Variants in GRIA1 observed in about 807,000 individuals in gnomAD.
GRIA1 encodes the protein glutamate receptor 1.
In GRIA1, 31 loss-of-function variants were observed where a neutral mutation model predicts 99.2. That is an observed-to-expected ratio of 0.31 (90% CI 0.23 to 0.42). GRIA1 has a LOEUF of 0.42. GRIA1 is among the 10% of genes least tolerant of loss of function. The probability of loss-of-function intolerance (pLI) is 1.00; values close to 1 mark genes in which losing one functional copy is unlikely to be tolerated. For missense variants in GRIA1, 782 were observed against 1,157.5 expected, an observed-to-expected ratio of 0.68 and a Z score of 4.71; for synonymous variants, 438 against 432.4, an observed-to-expected ratio of 1.01 and a Z score of -0.16.
intron 14 of GRIA1, among the ~76,000 whole-genome samples, chr5:153,797,151 C>T (rs143889705): frequency 0.013 from 2,036 of 152,308 alleles, 18 homozygotes; most frequent in African/African-American, 0.023. Flanking sequence ...TACCCCCACG[C>T]CCTAGAGACT....
intron 2 of GRIA1, among the ~76,000 whole-genome samples, chr5:153,640,931 T>C (rs1753738128): frequency 6.6e-6 from 1 of 152,212 alleles, no homozygotes; most frequent in Non-Finnish European, 1.5e-5. Flanking sequence ...GGATGATTTA[T>C]ATCTATTATG....
At chr5:153,494,939 T>A (rs1186048840) in intron 2 of GRIA1, among the ~76,000 whole-genome samples, 2 of 152,168 alleles carry the variant, frequency 1.3e-5, no homozygotes, top group African/African-American at 2.4e-5. Context: ...GGCACGATAG[T>A]CTTGGTGTGT....
chr5:153,694,809 G>T (rs1757981673), intron 8 of GRIA1, among the ~76,000 whole-genome samples: 1 of 152,134 alleles, frequency 6.6e-6, no homozygotes, highest in Non-Finnish European at 1.5e-5. Flanking sequence ...GCATGTCAAA[G>T]GAAGCAACTT....
At chr5:153,798,260 C>T (rs150911548) in intron 14 of GRIA1, among the ~76,000 whole-genome samples, 2 of 152,338 alleles carry the variant, frequency 1.3e-5, no homozygotes, top group African/African-American at 4.8e-5. Context: ...TAGCCAACCA[C>T]TCAGCCTTCA....
intron 11 of GRIA1, among the ~76,000 whole-genome samples, chr5:153,756,940 A>T (rs1384398383): frequency 6.6e-6 from 1 of 152,216 alleles, no homozygotes; most frequent in Admixed American, 6.5e-5. Context: ...ACAATCTTGG[A>T]AGTATGACCT....
chr5:153,618,216 A>T (rs574086501), intron 2 of GRIA1, among the ~76,000 whole-genome samples: 28 of 152,218 alleles, frequency 1.8e-4, no homozygotes, highest in Non-Finnish European at 3.1e-4. Context: ...CTAGTTAAGA[A>T]TGTACAACCT....
intron 11 of GRIA1, among the ~76,000 whole-genome samples, chr5:153,736,808 TCTAATC>T (rs939373048): frequency 1.3e-5 from 2 of 152,140 alleles, no homozygotes; most frequent in East Asian, 1.9e-4. Flanking sequence ...TAGTGGACGC[TCTAATC>T]CTACATCAAT....
chr5:153,721,178 A>C (rs1180809771), intron 11 of GRIA1, among the ~76,000 whole-genome samples: 2 of 152,248 alleles, frequency 1.3e-5, no homozygotes, highest in Non-Finnish European at 2.9e-5. Flanking sequence ...TCTTACTTAC[A>C]CACAGCAGAT....
chr5:153,781,750 C>A (rs1189158971), intron 13 of GRIA1, among the ~76,000 whole-genome samples: 1 of 152,148 alleles, frequency 6.6e-6, no homozygotes, highest in Non-Finnish European at 1.5e-5. Flanking sequence ...TACTAATAAA[C>A]ATCCTAAAGG....
chr5:153,640,962 A>C (rs1380091492), intron 2 of GRIA1, among the ~76,000 whole-genome samples: 1 of 152,170 alleles, frequency 6.6e-6, no homozygotes, highest in Non-Finnish European at 1.5e-5. Flanking sequence ...GCATGTCAGC[A>C]TTATATCTAC....
At chr5:153,509,184 G>T (rs1181518800) in intron 2 of GRIA1, among the ~76,000 whole-genome samples, 1 of 152,216 alleles carries the variant, frequency 6.6e-6, no homozygotes, top group African/African-American at 2.4e-5. Context: ...ACACAGAGGG[G>T]ACTGGGGAGG....
rs73285891 is a variant in GRIA1, at chr5:153,580,884, T to C, written c.221-66044T>C. ...CTTAGCAGTGCTGCTCAGTGGGACG[T>C]CTCTGACTTTGATGTTGCACGTGTC... On this transcript the variant is annotated intron_variant, in intron 2 of 15. Transcript: ENST00000285900. Among the ~76,000 whole-genome samples, 389 of 152,276 alleles carry C rather than the reference T, an allele frequency of 2.6e-3. 2 individuals are homozygous for C. The highest frequency in any genetic ancestry group is 8.7e-3 in the African/African-American group (360 of 41,552).
intron 11 of GRIA1, among the ~76,000 whole-genome samples, chr5:153,751,830 G>A (rs556422403): frequency 6.6e-6 from 1 of 152,276 alleles, no homozygotes; most frequent in East Asian, 1.9e-4. Flanking sequence ...TTAACAAAAG[G>A]AAAAAAGATC....
At chr5:153,622,328 G>A (rs1561699718) in intron 2 of GRIA1, among the ~76,000 whole-genome samples, 1 of 152,136 alleles carries the variant, frequency 6.6e-6, no homozygotes. Flanking sequence ...TAATCCAAAC[G>A]AGTACCTCAT....
chr5:153,513,104 A>T (rs1388524401), intron 2 of GRIA1, among the ~76,000 whole-genome samples: 1 of 152,166 alleles, frequency 6.6e-6, no homozygotes, highest in Non-Finnish European at 1.5e-5. Flanking sequence ...TGTTTAAGTC[A>T]CCATTCCATA....
At chr5:153,690,380 T>C (rs1405472053) in intron 8 of GRIA1, among the ~76,000 whole-genome samples, 1 of 152,188 alleles carries the variant, frequency 6.6e-6, no homozygotes, top group Non-Finnish European at 1.5e-5. Flanking sequence ...CTTTAGTCTT[T>C]ACTAGGCACA....
intron 14 of GRIA1, 146 bp downstream of exon 14, chr5:153,794,881 T>C: frequency 1.6e-6 from 1 of 619,620 alleles, no homozygotes; most frequent in South Asian, 2.0e-5. Flanking sequence ...TTTGGTTGAG[T>C]AGAAGTAGCA....
chr5:153,534,822 T>G (rs1679849833), intron 2 of GRIA1, among the ~76,000 whole-genome samples: 1 of 152,212 alleles, frequency 6.6e-6, no homozygotes, highest in Non-Finnish European at 1.5e-5. Flanking sequence ...CCTGTGGGAT[T>G]CATATCACTG....
chr5:153,716,600 G>A (rs147241611), intron 11 of GRIA1, among the ~76,000 whole-genome samples: 1 of 152,260 alleles, frequency 6.6e-6, no homozygotes, highest in Non-Finnish European at 1.5e-5. Flanking sequence ...GGTGCAGCCT[G>A]CTCAGCTGGA....
Sources: gnomAD v4.1 joint callset for allele counts (sites outside exome capture counted in the v4.1 genomes callset) on GRCh38, gnomAD v4.1.1 for gene constraint, MANE v1.5 for transcripts, NCBI Gene and HGNC (gene_info 2026-07-23, HGNC 2026-07-21) for gene names.